Variants in MALRD1 observed in about 807,000 individuals in gnomAD.
The protein encoded by MALRD1 is MAM and LDL-receptor class A domain-containing protein 1.
MALRD1 carries 247 observed loss-of-function variants against 242.1 expected under a neutral mutation model. That is an observed-to-expected ratio of 1.02 (90% CI 0.92 to 1.13). The LOEUF (loss-of-function observed/expected upper bound fraction) is 1.13. MALRD1 is among the 50% of genes most tolerant of loss of function. The probability of loss-of-function intolerance (pLI) is 0.00; values close to 1 mark genes in which losing one functional copy is unlikely to be tolerated. For missense variants in MALRD1, 2,989 were observed against 2,533.1 expected (o/e 1.18, Z -3.86); for synonymous variants, 995 against 866.6 (o/e 1.15, Z -2.60).
intron 31 of MALRD1, among the ~76,000 whole-genome samples, chr10:19,521,994 T>C (rs1833903097): frequency 6.6e-6 from 1 of 152,112 alleles, no homozygotes; most frequent in Admixed American, 6.6e-5. Flanking sequence ...ACATCTGTCA[T>C]CCATACTCAC....
chr10:19,518,280 T>A (rs1360478803), intron 31 of MALRD1, among the ~76,000 whole-genome samples: 1 of 152,234 alleles, frequency 6.6e-6, no homozygotes, highest in Non-Finnish European at 1.5e-5. Context: ...CCTGCTAATT[T>A]AATTTAACAA....
At chr10:19,142,007 C>T (rs1370789523) in intron 10 of MALRD1, among the ~76,000 whole-genome samples, 2 of 151,680 alleles carry the variant, frequency 1.3e-5, no homozygotes, top group Non-Finnish European at 2.9e-5. Context: ...CCCATCTCTA[C>T]TAAAAATATA....
intron 14 of MALRD1, among the ~76,000 whole-genome samples, chr10:19,185,443 A>C (rs1025658051): frequency 1.3e-5 from 2 of 152,154 alleles, no homozygotes. Flanking sequence ...GTAAGTCTCT[A>C]CTGAGTAGTT....
chr10:19,624,606 C>T (rs1589323500), intron 36 of MALRD1, among the ~76,000 whole-genome samples: 1 of 152,146 alleles, frequency 6.6e-6, no homozygotes, highest in Non-Finnish European at 1.5e-5. Flanking sequence ...TGGCTCACAC[C>T]TATAATCCCA....
intron 14 of MALRD1, among the ~76,000 whole-genome samples, chr10:19,187,556 G>T (rs1380351692): frequency 1.3e-5 from 2 of 152,154 alleles, no homozygotes; most frequent in Non-Finnish European, 2.9e-5. Context: ...GGAAGAGGTT[G>T]ATTATAGAGA....
At chr10:19,375,517 G>A (rs12761627) in intron 26 of MALRD1, among the ~76,000 whole-genome samples, 23,161 of 151,978 alleles carry the variant, frequency 0.15, 1,814 homozygotes, top group African/African-American at 0.18. Flanking sequence ...GCAAGGCCCT[G>A]GATAAGGACA....
At chr10:19,204,757 C>A in intron 16 of MALRD1, 141 bp from the exon 17 acceptor site, 2 of 909,488 alleles carry the variant, frequency 2.2e-6, no homozygotes, top group Non-Finnish European at 1.6e-6. Context: ...TGCAAATGGA[C>A]AGCCACAGTT....
intron 24 of MALRD1, among the ~76,000 whole-genome samples, chr10:19,346,298 A>C (rs1373061421): frequency 1.3e-5 from 2 of 152,210 alleles, no homozygotes; most frequent in Non-Finnish European, 2.9e-5. Flanking sequence ...TGATTTGTCC[A>C]GGAATTACCA....
At chr10:19,479,626 A>G (rs1323286759) in intron 29 of MALRD1, among the ~76,000 whole-genome samples, 4 of 152,210 alleles carry the variant, frequency 2.6e-5, no homozygotes, top group Admixed American at 6.5e-5. Context: ...CATAAGTGCT[A>G]GTGTCACCAT....
In MALRD1 at chr10:19,323,831, G is replaced by A; in HGVS notation, c.3420-118G>A. 6 of 837,874 alleles carry A rather than the reference G, an allele frequency of 7.2e-6. No individual in the cohort carries two copies. The South Asian group carries it at 9.0e-5, about 13-fold the overall frequency. The allele number at this position is 837,874 out of a possible 1,614,324, so 51.9% of individuals were successfully genotyped here. A position where few individuals can be genotyped will look rare whatever the true frequency, so the allele number is the denominator to read the frequency against. ...TCATCATGGTAGCCAGGCTGGTCTC[G>A]AACTCCTGACTGCAGGTGATCCACC... is the stretch of plus-strand genomic sequence containing the variant. On this transcript the variant is annotated intron_variant, in intron 21 of 39. Coordinates refer to ENST00000454679, the MANE Select transcript of MALRD1 (RefSeq NM_001142308.3).
At chr10:19,280,968 T>C (rs958196537) in intron 20 of MALRD1, among the ~76,000 whole-genome samples, 1 of 152,206 alleles carries the variant, frequency 6.6e-6, no homozygotes, top group African/African-American at 2.4e-5. Context: ...TTGATAATAT[T>C]AAGGGCTTAG....
At chr10:19,390,504 A>T (rs1846295363) in intron 28 of MALRD1, among the ~76,000 whole-genome samples, 1 of 152,230 alleles carries the variant, frequency 6.6e-6, no homozygotes, top group Non-Finnish European at 1.5e-5. Flanking sequence ...CATAGTAAAT[A>T]TTAATATTAA....
intron 29 of MALRD1, among the ~76,000 whole-genome samples, chr10:19,455,459 C>T (rs533659811): frequency 6.6e-6 from 1 of 152,206 alleles, no homozygotes; most frequent in Admixed American, 6.5e-5. Flanking sequence ...CCTAGCTTAC[C>T]CATTTGCTAT....
At chr10:19,129,250 A>G (rs1837378782) in intron 8 of MALRD1, among the ~76,000 whole-genome samples, 1 of 152,116 alleles carries the variant, frequency 6.6e-6, no homozygotes, top group African/African-American at 2.4e-5. Flanking sequence ...TGGAGTTCCC[A>G]TGACCCCCTT....
At chr10:19,445,222 G>A (rs1244634099) in intron 28 of MALRD1, among the ~76,000 whole-genome samples, 1 of 152,064 alleles carries the variant, frequency 6.6e-6, no homozygotes, top group Non-Finnish European at 1.5e-5. Flanking sequence ...CTTTTTTCAA[G>A]GTTTTTAGCT....
chr10:19,592,913 G>A (rs1301472345), intron 33 of MALRD1, among the ~76,000 whole-genome samples: 1 of 151,362 alleles, frequency 6.6e-6, no homozygotes, highest in African/African-American at 2.4e-5. Flanking sequence ...TACTAAAGTT[G>A]GTTCTAGATT....
chr10:19,551,409 G>A (rs932253720), intron 32 of MALRD1, among the ~76,000 whole-genome samples: 5 of 152,106 alleles, frequency 3.3e-5, no homozygotes, highest in Non-Finnish European at 7.4e-5. Flanking sequence ...TGGCTTGGCT[G>A]TTGCTGGTAT....
At chr10:19,663,788 A>AAATGGGAG (rs1184625100) in intron 36 of MALRD1, among the ~76,000 whole-genome samples, 2 of 151,658 alleles carry the variant, frequency 1.3e-5, no homozygotes, top group Non-Finnish European at 2.9e-5. Context: ...TAGGGTGGAG[A>AAATGGGAG]AATGGGAGTT....
intron 14 of MALRD1, 113 bp from the exon 15 acceptor site, chr10:19,203,615 C>T: frequency 9.9e-7 from 1 of 1,011,372 alleles, no homozygotes. Context: ...TCCCTCATTG[C>T]CCTTCATGTG....
Sources: gnomAD v4.1 joint callset for allele counts (sites outside exome capture counted in the v4.1 genomes callset) on GRCh38, gnomAD v4.1.1 for gene constraint, MANE v1.5 for transcripts, NCBI Gene and HGNC (gene_info 2026-07-23, HGNC 2026-07-21) for gene names.